POC1B: variants seen among roughly 807,000 people sequenced by gnomAD.
POC1B encodes the protein POC1 centriolar protein B.
In POC1B, 44 loss-of-function variants were observed where a neutral mutation model predicts 60.6. The ratio of observed to expected loss-of-function variants is 0.73; its 90% CI spans 0.57 to 0.93. POC1B has a LOEUF of 0.93. Ranked by LOEUF, POC1B falls within the 40% of genes least tolerant of loss-of-function variation. POC1B has a pLI of 0.00. For synonymous variants in POC1B, 180 were observed against 198.9 expected (o/e 0.90, Z 0.80); for missense variants, 555 against 572.3 (o/e 0.97, Z 0.31).
intron 2 of POC1B, among the ~76,000 whole-genome samples, chr12:89,515,347 T>A: frequency 6.6e-6 from 1 of 152,120 alleles, no homozygotes; most frequent in Non-Finnish European, 1.5e-5. Context: ...TTCCCCAGGC[T>A]GGTCTCAAAC....
chr12:89,521,819 A>G (rs562752158), intron 2 of POC1B: 13 of 395,424 alleles, frequency 3.3e-5, no homozygotes, highest in African/African-American at 2.5e-4. Flanking sequence ...TTTTTAAGAT[A>G]AATTCTTAAA....
chr12:89,439,209 G>A (rs1160610054), intron 10 of POC1B, among the ~76,000 whole-genome samples: 1 of 152,166 alleles, frequency 6.6e-6, no homozygotes, highest in Non-Finnish European at 1.5e-5. Flanking sequence ...GCAAAATCAT[G>A]AAAACGCCTG....
At chr12:89,434,225 A>G (rs1349002127) in intron 10 of POC1B, among the ~76,000 whole-genome samples, 1 of 152,220 alleles carries the variant, frequency 6.6e-6, no homozygotes, top group Non-Finnish European at 1.5e-5. Context: ...TTTGGGGATA[A>G]GATTTTATAG....
At chr12:89,503,806 CCGCCCCA>C (rs1869740885) in intron 2 of POC1B, among the ~76,000 whole-genome samples, 4 of 147,180 alleles carry the variant, frequency 2.7e-5, no homozygotes, top group South Asian at 2.3e-4. Context: ...CGCCCGGCAG[CCGCCCCA>C]TCTGAGAAGT....
chr12:89,472,328 C>A, intron 4 of POC1B, 53 bp from the exon 5 acceptor site: 1 of 1,137,954 alleles, frequency 8.8e-7, no homozygotes, highest in South Asian at 1.3e-5. Flanking sequence ...GGAGAGTCAC[C>A]ACCTCACCTC....
At chr12:89,511,132 A>C (rs1312155004) in intron 2 of POC1B, among the ~76,000 whole-genome samples, 1 of 151,994 alleles carries the variant, frequency 6.6e-6, no homozygotes, top group African/African-American at 2.4e-5. Flanking sequence ...ATTCAAAATA[A>C]TCCTGACTGG....
At chr12:89,462,487 G>A (rs1882517899) in intron 9 of POC1B, among the ~76,000 whole-genome samples, 1 of 152,062 alleles carries the variant, frequency 6.6e-6, no homozygotes, top group South Asian at 2.1e-4. Context: ...ATGATACTGA[G>A]GAGTCCACGA....
At chr12:89,481,567 T>C (rs1868365301) in intron 4 of POC1B, among the ~76,000 whole-genome samples, 1 of 152,178 alleles carries the variant, frequency 6.6e-6, no homozygotes, top group African/African-American at 2.4e-5. Flanking sequence ...GCTAATGGGC[T>C]GAAATTTTGA....
chr12:89,441,204 C>CA (rs1473699198), intron 10 of POC1B, among the ~76,000 whole-genome samples: 1 of 152,228 alleles, frequency 6.6e-6, no homozygotes, highest in Non-Finnish European at 1.5e-5. Context: ...CATAGCTGAA[C>CA]AAAAGGCAGC....
At chr12:89,476,411 T>TA (rs1883106346) in intron 4 of POC1B, among the ~76,000 whole-genome samples, 1 of 152,200 alleles carries the variant, frequency 6.6e-6, no homozygotes, top group African/African-American at 2.4e-5. Flanking sequence ...TGAAAAGTCT[T>TA]AAAGTGCTTT....
chr12:89,446,298 T>G (rs1251478867), intron 10 of POC1B, among the ~76,000 whole-genome samples: 3 of 152,228 alleles, frequency 2.0e-5, no homozygotes, highest in Admixed American at 2.0e-4. Flanking sequence ...TAAAGACACA[T>G]GCACACATAT....
In POC1B at chr12:89,470,425, T is replaced by C. The variant is rs1011624462; in HGVS notation, c.746A>G (p.Asp249Gly). 26 of 1,606,364 alleles carry C rather than the reference T, an allele frequency of 1.6e-5. No homozygotes were observed. The highest frequency in any genetic ancestry group is 2.1e-5 in the Non-Finnish European group (25 of 1,174,214). Reference sequence around the variant, plus strand: ...GAGGTCCAGAATCTTAAGGGTACCATCTGAAGAAGCTGTGATGAGATAGTT... The same window carrying C: ...GAGGTCCAGAATCTTAAGGGTACCACCTGAAGAAGCTGTGATGAGATAGTT... The part of the protein sequence containing the change: ...SGNYLITASS[D>G]GTLKILDLLE... The change falls in exon 7 of 12, where the codon GAT (aspartate) becomes GGT (glycine). Residue 249 changes from aspartate (D) to glycine (G), a missense_variant. By Grantham distance (94) the Asp-to-Gly change is moderately conservative. Coordinates refer to ENST00000313546, the MANE Select transcript of POC1B (RefSeq NM_172240.3).
rs368756713 is a variant in POC1B at position 89,514,735 on chromosome 12, A to AACAG, written c.100+10381_100+10384dup. 4.3e-3 allele frequency among the ~76,000 whole-genome samples: 649 copies of AACAG among 151,958 alleles called. 8 individuals carry two copies. Among genetic ancestry groups the AACAG allele is most frequent in the African/African-American group, 0.015 (608 of 41,436 alleles). On this transcript the variant is annotated intron_variant, in intron 2 of 11. Transcript: ENST00000313546. ...AGGTATTTCTTTATTGCAGTAGGAGAACAGACTAATATATCCTACCTTCTA... is the reference window on the plus strand; with the variant it reads ...AGGTATTTCTTTATTGCAGTAGGAGAACAGACAGACTAATATATCCTACCTTCTA...
chr12:89,495,207 T>C (rs916411515), intron 3 of POC1B, among the ~76,000 whole-genome samples: 1 of 152,220 alleles, frequency 6.6e-6, no homozygotes, highest in Non-Finnish European at 1.5e-5. Flanking sequence ...TCTACCCTTA[T>C]ACAATTTGTT....
At chr12:89,492,998 T>C (rs1869060595) in intron 3 of POC1B, among the ~76,000 whole-genome samples, 2 of 152,156 alleles carry the variant, frequency 1.3e-5, no homozygotes, top group South Asian at 4.1e-4. Flanking sequence ...ACTCCAAGCA[T>C]GTAAATCCCA....
At chr12:89,518,444 T>C (rs569658720) in intron 2 of POC1B, among the ~76,000 whole-genome samples, 1 of 152,360 alleles carries the variant, frequency 6.6e-6, no homozygotes, top group South Asian at 2.1e-4. Flanking sequence ...AGGTCTAGCA[T>C]GCAAAGAGAA....
chr12:89,491,416 G>A (rs187250563), intron 4 of POC1B, among the ~76,000 whole-genome samples: 1 of 152,074 alleles, frequency 6.6e-6, no homozygotes, highest in Non-Finnish European at 1.5e-5. Context: ...TTGAGCTGAG[G>A]AGTTTGAGAC....
intron 2 of POC1B, chr12:89,523,057 G>A: frequency 1.9e-6 from 3 of 1,613,806 alleles, no homozygotes; most frequent in Non-Finnish European, 2.5e-6. Flanking sequence ...CTCTGTCACA[G>A]AATTAAACCT....
intron 9 of POC1B, among the ~76,000 whole-genome samples, chr12:89,464,397 C>A (rs553771301): frequency 6.6e-6 from 1 of 150,652 alleles, no homozygotes; most frequent in South Asian, 2.1e-4. Flanking sequence ...CTTTAAAACA[C>A]AATTTGGTAC....
Sources: gnomAD v4.1 joint callset for allele counts (sites outside exome capture counted in the v4.1 genomes callset) on GRCh38, gnomAD v4.1.1 for gene constraint, MANE v1.5 for transcripts, NCBI Gene and HGNC (gene_info 2026-07-23, HGNC 2026-07-21) for gene names.